Variants in MEI4 observed in about 807,000 individuals in gnomAD.
MEI4 encodes the protein meiosis-specific protein MEI4.
Under a neutral mutation model 31.4 loss-of-function variants are expected in MEI4, and 27 were observed. That is an observed-to-expected ratio of 0.86 (90% CI 0.63 to 1.19). The LOEUF is 1.19. Among genes scored for constraint, MEI4 ranks in the 50% most tolerant of loss-of-function variants. The pLI is 0.00. For missense variants in MEI4, 329 were observed against 398.9 expected, an observed-to-expected ratio of 0.82 and a Z score of 1.49; for synonymous variants, 122 against 145.4, an observed-to-expected ratio of 0.84 and a Z score of 1.16.
intron 2 of MEI4, among the ~76,000 whole-genome samples, chr6:77,733,544 G>T (rs1470012028): frequency 1.3e-5 from 2 of 151,972 alleles, no homozygotes; most frequent in African/African-American, 2.4e-5. Context: ...CTTGCTAGCG[G>T]TTTATCAGTT....
Position 77,772,718 on chromosome 6 carries a change from CAA to C in MEI4, c.768+11054_768+11055del, listed in dbSNP as rs572962655. Among the ~76,000 whole-genome samples, 28 of 151,922 alleles carry C rather than the reference CAA, an allele frequency of 1.8e-4. No homozygotes were observed. The East Asian group carries it at 4.8e-3, about 26-fold the overall frequency. The stretch of plus-strand genomic sequence containing the variant: ...GGAAATTCTAGCTAGAACAATCAGA[CAA>C]GAGAAATAAAGTGCATTCAGATTGG... On this transcript the variant is annotated intron_variant, in intron 3 of 4. Transcript: ENST00000684080.
In MEI4 at chr6:77,754,869, A is replaced by G. The variant is rs148244383; in HGVS notation, c.233-6261A>G. On this transcript the variant is annotated intron_variant, in intron 2 of 4. Transcript: ENST00000684080. ...TCACTCACTGTCATGAGAACGACAC[A>G]GCAGTAACCACCCCCATGATCCAAT... Among the ~76,000 whole-genome samples, 212 of 152,286 alleles carry G rather than the reference A, an allele frequency of 1.4e-3. 1 individual carries two copies. The highest frequency in any genetic ancestry group is 4.5e-3 in the African/African-American group (186 of 41,558).
chr6:77,743,610 A>G (rs897850706), intron 2 of MEI4, among the ~76,000 whole-genome samples: 19 of 152,194 alleles, frequency 1.2e-4, no homozygotes, highest in Non-Finnish European at 2.6e-4. Flanking sequence ...CTTTGAAGAT[A>G]GCAGTGGTTC....
intron 2 of MEI4, among the ~76,000 whole-genome samples, chr6:77,742,534 T>C (rs1199716629): frequency 6.6e-6 from 1 of 152,224 alleles, no homozygotes; most frequent in African/African-American, 2.4e-5. Context: ...CTTGGTGAGA[T>C]GAGTAGTTTG....
intron 3 of MEI4, among the ~76,000 whole-genome samples, chr6:77,824,005 T>A (rs1267694025): frequency 6.6e-6 from 1 of 152,186 alleles, no homozygotes; most frequent in Non-Finnish European, 1.5e-5. Flanking sequence ...TTTTTATGGA[T>A]CCCCTATGGA....
chr6:77,823,690 CAG>C (rs1434779891), intron 3 of MEI4, among the ~76,000 whole-genome samples: 1 of 152,074 alleles, frequency 6.6e-6, no homozygotes, highest in East Asian at 1.9e-4. Flanking sequence ...TTGCTTTAAG[CAG>C]AGAGTTATTT....
chr6:77,747,491 G>C (rs1427141707), intron 2 of MEI4, among the ~76,000 whole-genome samples: 1 of 152,088 alleles, frequency 6.6e-6, no homozygotes, highest in African/African-American at 2.4e-5. Flanking sequence ...AGAGCAAAGG[G>C]GGAAGAGCCC....
At chr6:77,787,143 C>T (rs1768758249) in intron 3 of MEI4, among the ~76,000 whole-genome samples, 1 of 151,840 alleles carries the variant, frequency 6.6e-6, no homozygotes, top group Admixed American at 6.6e-5. Context: ...AGACTTTGAT[C>T]TGAACTGTGG....
chr6:77,923,448 A>C lies in MEI4; in HGVS notation c.*102A>C. Reference sequence around the variant, plus strand: ...TCAATAGTATTTTAATTAGCATTTTAGAATTGATCTCTAAATATAATTATC... The same window carrying C: ...TCAATAGTATTTTAATTAGCATTTTCGAATTGATCTCTAAATATAATTATC... On this transcript the variant is annotated 3_prime_UTR_variant, in exon 5 of 5. Transcript: ENST00000684080. 1 of 887,522 alleles carries C rather than the reference A, an allele frequency of 1.1e-6. No individual in the cohort carries two copies. The highest frequency in any genetic ancestry group is 1.5e-6 in the Non-Finnish European group (1 of 676,036). The allele number at this position is 887,522 out of a possible 1,614,324, so 55.0% of individuals were successfully genotyped here.
chr6:77,824,170 A>T (rs913750529), intron 3 of MEI4, among the ~76,000 whole-genome samples: 1 of 151,876 alleles, frequency 6.6e-6, no homozygotes, highest in Non-Finnish European at 1.5e-5. Context: ...ACTCACTGCA[A>T]CCTCCACCTC....
rs938529085 is a variant in MEI4, at chr6:77,655,832, C to G, written c.-15+2740C>G. ...AGATTTTTTGTTTGGACATTTCGCT[C>G]TGTTCTTATGTCCATTATTATACTC... On this transcript the variant is annotated intron_variant, in intron 1 of 4. Transcript: ENST00000684080. Among the ~76,000 whole-genome samples the G allele has an allele frequency of 6.6e-5, 10 of 152,154 alleles. No homozygotes were observed. The East Asian group carries it at 1.9e-3, about 29-fold the overall frequency.
chr6:77,900,554 A>G (rs971326277), intron 4 of MEI4, among the ~76,000 whole-genome samples: 2 of 151,944 alleles, frequency 1.3e-5, no homozygotes, highest in Non-Finnish European at 2.9e-5. Context: ...TATAAGGCAG[A>G]ATATTTAAAA....
intron 2 of MEI4, among the ~76,000 whole-genome samples, chr6:77,743,150 CTG>C (rs1422968773): frequency 6.6e-6 from 1 of 152,144 alleles, no homozygotes; most frequent in Non-Finnish European, 1.5e-5. Flanking sequence ...TTTTCCAACT[CTG>C]TGAAGAAAGT....
At chr6:77,889,740 G>C (rs535436960) in intron 4 of MEI4, among the ~76,000 whole-genome samples, 1 of 152,330 alleles carries the variant, frequency 6.6e-6, no homozygotes, top group East Asian at 1.9e-4. Context: ...TCCTAGAAGA[G>C]AAAAATGGTT....
intron 4 of MEI4, among the ~76,000 whole-genome samples, chr6:77,876,284 G>A (rs1204366634): frequency 6.6e-6 from 1 of 152,178 alleles, no homozygotes; most frequent in African/African-American, 2.4e-5. Context: ...TTTAAGAGGT[G>A]ATTAGTCCTT....
intron 2 of MEI4, among the ~76,000 whole-genome samples, chr6:77,712,303 A>G (rs1766482800): frequency 6.6e-6 from 1 of 152,172 alleles, no homozygotes; most frequent in Non-Finnish European, 1.5e-5. Flanking sequence ...CAACTTTTCG[A>G]ACAGTTCCAA....
chr6:77,892,155 T>G (rs1424383528), intron 4 of MEI4, among the ~76,000 whole-genome samples: 1 of 151,778 alleles, frequency 6.6e-6, no homozygotes, highest in African/African-American at 2.4e-5. Flanking sequence ...GGCCTTTGAG[T>G]GGTGTACATA....
At chr6:77,801,641 C>T (rs537591728) in intron 3 of MEI4, among the ~76,000 whole-genome samples, 2 of 152,200 alleles carry the variant, frequency 1.3e-5, no homozygotes, top group East Asian at 3.9e-4. Context: ...ATAAATTTCC[C>T]TCTACACGCT....
At chr6:77,795,446 TCACA>T (rs1400371278) in intron 3 of MEI4, among the ~76,000 whole-genome samples, 3 of 151,588 alleles carry the variant, frequency 2.0e-5, no homozygotes, top group Non-Finnish European at 2.9e-5. Context: ...CTAGCTTAAA[TCACA>T]CACACACGTA....
Sources: gnomAD v4.1 joint callset for allele counts (sites outside exome capture counted in the v4.1 genomes callset) on GRCh38, gnomAD v4.1.1 for gene constraint, MANE v1.5 for transcripts, NCBI Gene and HGNC (gene_info 2026-07-23, HGNC 2026-07-21) for gene names.